Variants in PCED1B observed in about 807,000 individuals in gnomAD.
PCED1B encodes PC-esterase domain containing 1B.
For synonymous variants in PCED1B, 251 were observed against 246.1 expected (o/e 1.02, Z -0.19); for missense variants, 573 against 573.9 (o/e 1.00, Z 0.02).
rs74585119 is a variant in PCED1B at position 47,148,511 on chromosome 12, G to T, written c.-526+44316G>T. On this transcript the variant is annotated intron_variant, in intron 2 of 3. Transcript: ENST00000546455. ...CTGCTATAGCAAATTTACAGGCAGA[G>T]TAGCACAACATAAGCAGCAATTCAC... 4.9e-3 allele frequency among the ~76,000 whole-genome samples: 749 copies of T among 152,284 alleles called. 11 individuals carry two copies. Among genetic ancestry groups the T allele is most frequent in the South Asian group, 0.04 (195 of 4,824 alleles).
intron 2 of PCED1B, among the ~76,000 whole-genome samples, chr12:47,189,166 AGT>A (rs1942367382): frequency 1.3e-5 from 2 of 152,238 alleles, no homozygotes; most frequent in South Asian, 4.1e-4. Flanking sequence ...TTCTTAGCCC[AGT>A]GTCTGAAAGT....
chr12:47,107,934 A>T (rs1053790254), intron 2 of PCED1B, among the ~76,000 whole-genome samples: 2 of 152,172 alleles, frequency 1.3e-5, no homozygotes, highest in African/African-American at 4.8e-5. Flanking sequence ...GAGACATTTA[A>T]ATTTTCTGGA....
At chr12:47,170,493 G>A (rs923592726) in intron 2 of PCED1B, among the ~76,000 whole-genome samples, 1 of 144,792 alleles carries the variant, frequency 6.9e-6, no homozygotes, top group Non-Finnish European at 1.5e-5. Flanking sequence ...CCCACCTCCC[G>A]GATGGGGCGG....
At position 47,185,594 on chromosome 12, in the gene PCED1B, G is replaced by GC. The variant is rs558875574; in HGVS notation, c.-525-30626dup. 4.6e-5 allele frequency among the ~76,000 whole-genome samples: 7 copies of GC among 151,934 alleles called. 1 individual carries two copies. The South Asian group carries it at 1.2e-3, about 27-fold the overall frequency. On this transcript the variant is annotated intron_variant, in intron 2 of 3. Coordinates refer to ENST00000546455, the MANE Select transcript of PCED1B (RefSeq NM_138371.3). ...ACTTAAGGCCAGCAGTTCGAGACCA[G>GC]CCTGGCCAACATGTTGAAACCCCAT...
At chr12:47,135,580 G>T in intron 2 of PCED1B, 1 of 513,304 alleles carries the variant, frequency 1.9e-6, no homozygotes. Flanking sequence ...CAGGCACTTG[G>T]CAGTGGAGAC....
At chr12:47,140,545 C>T (rs911553615) in intron 2 of PCED1B, among the ~76,000 whole-genome samples, 1 of 152,098 alleles carries the variant, frequency 6.6e-6, no homozygotes, top group African/African-American at 2.4e-5. Context: ...TCTCCTCATT[C>T]GATCAACGGA....
chr12:47,185,212 T>G (rs1300967356), intron 2 of PCED1B, among the ~76,000 whole-genome samples: 1 of 152,172 alleles, frequency 6.6e-6, no homozygotes, highest in Non-Finnish European at 1.5e-5. Flanking sequence ...TTATTTGGAA[T>G]GCAAATGTAA....
intron 2 of PCED1B, among the ~76,000 whole-genome samples, chr12:47,142,469 A>G (rs902068380): frequency 1.3e-5 from 2 of 152,158 alleles, no homozygotes; most frequent in Admixed American, 6.5e-5. Flanking sequence ...CCAGTAACCA[A>G]CCCCCAAGAA....
intron 2 of PCED1B, chr12:47,136,077 A>AT (rs1940354715): frequency 1.4e-5 from 1 of 73,678 alleles, no homozygotes; most frequent in African/African-American, 5.7e-5. Flanking sequence ...TCACCATTCA[A>AT]TTTCTTTCTT....
At chr12:47,182,715 C>T (rs1004615328) in intron 2 of PCED1B, among the ~76,000 whole-genome samples, 11 of 152,088 alleles carry the variant, frequency 7.2e-5, no homozygotes, top group African/African-American at 1.9e-4. Context: ...GCACAGTTGA[C>T]GAAAACTGTG....
At chr12:47,211,811 C>T (rs1268299259) in intron 2 of PCED1B, among the ~76,000 whole-genome samples, 1 of 151,742 alleles carries the variant, frequency 6.6e-6, no homozygotes, top group Non-Finnish European at 1.5e-5. Flanking sequence ...CACGGTGGCT[C>T]ACGCCTGTAA....
chr12:47,092,907 G>T (rs766010514), intron 1 of PCED1B, among the ~76,000 whole-genome samples: 5 of 151,952 alleles, frequency 3.3e-5, no homozygotes, highest in Non-Finnish European at 5.9e-5. Flanking sequence ...ATTTTGTTAA[G>T]AATTTTTAAG....
At chr12:47,208,390 C>T (rs1235323528) in intron 2 of PCED1B, 1 of 152,234 alleles carries the variant, frequency 6.6e-6, no homozygotes, top group African/African-American at 2.4e-5. Context: ...GCACCACCAC[C>T]CTCAGCTAAT....
chr12:47,236,293 G>T lies in PCED1B; in HGVS notation c.1230G>T (p.Thr410=), dbSNP rs775815786. Residue 410 remains threonine, a synonymous_variant, in exon 4 of 4, where the codon ACG becomes ACT. Transcript: ENST00000546455. ...FGRYRPRGPY[T]PWGQRPRPSK... ...GGTATCGTCCCCGTGGCCCCTATAC[G>T]CCCTGGGGACAGCGGCCTCGACCTT... The T allele has an allele frequency of 6.2e-7, 1 of 1,613,956 alleles. No individual in the cohort carries two copies. Among genetic ancestry groups the T allele is most frequent in the Admixed American group, 1.7e-5 (1 of 59,986 alleles).
chr12:47,166,060 C>T (rs190001010), intron 2 of PCED1B, among the ~76,000 whole-genome samples: 3 of 152,260 alleles, frequency 2.0e-5, no homozygotes, highest in Non-Finnish European at 2.9e-5. Context: ...AGCCCTGACC[C>T]GGGGTCAACC....
intron 2 of PCED1B, among the ~76,000 whole-genome samples, chr12:47,157,414 C>T (rs948266063): frequency 6.6e-6 from 1 of 152,022 alleles, no homozygotes; most frequent in South Asian, 2.1e-4. Flanking sequence ...CATAATGAGA[C>T]CCTGTCTCTG....
At chr12:47,094,586 T>C (rs1041451954) in intron 1 of PCED1B, among the ~76,000 whole-genome samples, 1 of 152,170 alleles carries the variant, frequency 6.6e-6, no homozygotes, top group African/African-American at 2.4e-5. Context: ...TCTTTAATTC[T>C]AATAGTAACT....
rs750499373 is a variant in PCED1B at position 47,235,388 on chromosome 12, C to T, written c.325C>T (p.Leu109=). 6.2e-7 allele frequency: 1 copy of T among 1,614,178 alleles called. No individual in the cohort carries two copies. Among genetic ancestry groups the T allele is most frequent in the South Asian group, 1.1e-5 (1 of 91,092 alleles). The change falls in exon 4 of 4, where the codon CTG becomes TTG. Residue 109 remains leucine (L), a synonymous_variant. Transcript: ENST00000546455. ...TTACCTCCAGACCATCTTGAAAGAG[C>T]TGCAGTCGGGCGAGCACGCCCCCGA... ...SDYLQTILKE[L]QSGEHAPDLV... is the part of the protein sequence containing the mutation.
intron 2 of PCED1B, among the ~76,000 whole-genome samples, chr12:47,203,467 C>G (rs563661608): frequency 6.6e-6 from 1 of 152,160 alleles, no homozygotes; most frequent in South Asian, 2.1e-4. Flanking sequence ...CCTCCCAACT[C>G]TCACCCTCCG....
Sources: allele counts gnomAD v4.1 joint callset (sites outside exome capture counted in the v4.1 genomes callset), GRCh38; gene constraint gnomAD v4.1.1; transcripts MANE v1.5; gene names NCBI Gene and HGNC (gene_info 2026-07-23, HGNC 2026-07-21).